Variants in TASP1 observed in about 807,000 individuals in gnomAD.
TASP1 encodes threonine aspartase 1.
In TASP1, 16 loss-of-function variants were observed where a neutral mutation model predicts 56.6. The ratio of observed to expected loss-of-function variants is 0.28; its 90% CI spans 0.19 to 0.43. The LOEUF (loss-of-function observed/expected upper bound fraction) is 0.43, where lower values mean the gene tolerates loss of function less well. TASP1 is among the 20% of genes least tolerant of loss of function. TASP1 has a pLI of 1.00. For missense variants in TASP1, 393 were observed against 511.6 expected, an observed-to-expected ratio of 0.77 and a Z score of 2.24; for synonymous variants, 179 against 184.2, an observed-to-expected ratio of 0.97 and a Z score of 0.23.
At chr20:13,566,478 T>C (rs74786669) in intron 7 of TASP1, among the ~76,000 whole-genome samples, 1,543 of 148,980 alleles carry the variant, frequency 0.01, 28 homozygotes, top group African/African-American at 0.036. Context: ...ATACCATGAA[T>C]ACTCAGGAAT....
the TASP1 span, among the ~76,000 whole-genome samples, chr20:13,213,199 G>GA: frequency 6.6e-6 from 1 of 151,476 alleles, no homozygotes. Context: ...AAAAAAAAGA[G>GA]TTAAAACTTC....
chr20:13,324,441 G>C, the TASP1 span, among the ~76,000 whole-genome samples: 1 of 152,110 alleles, frequency 6.6e-6, no homozygotes, highest in African/African-American at 2.4e-5. Flanking sequence ...GCAGAAAAGA[G>C]GATCTTGTCC....
At chr20:13,182,588 T>C in the TASP1 span, among the ~76,000 whole-genome samples, 1 of 152,196 alleles carries the variant, frequency 6.6e-6, no homozygotes, top group Admixed American at 6.5e-5. Flanking sequence ...CAAGCTGCTA[T>C]ATATTATGAT....
intron 4 of TASP1, among the ~76,000 whole-genome samples, chr20:13,622,433 T>C (rs2048748363): frequency 6.6e-6 from 1 of 152,152 alleles, no homozygotes; most frequent in Non-Finnish European, 1.5e-5. Context: ...TTGACTACAT[T>C]AGGACCAATC....
intron 13 of TASP1, among the ~76,000 whole-genome samples, chr20:13,413,640 T>G (rs2042161879): frequency 6.6e-6 from 1 of 152,192 alleles, no homozygotes; most frequent in Non-Finnish European, 1.5e-5. Context: ...AAGGGTGATA[T>G]TTTTTGAACT....
intron 1 of TASP1, among the ~76,000 whole-genome samples, chr20:13,631,112 G>C (rs73270747): frequency 4.9e-4 from 74 of 152,262 alleles, no homozygotes; most frequent in African/African-American, 1.7e-3. Context: ...TTTTATAACA[G>C]AGATAGTCTG....
the TASP1 span, among the ~76,000 whole-genome samples, chr20:13,359,991 C>T: frequency 6.6e-6 from 1 of 152,154 alleles, no homozygotes; most frequent in Non-Finnish European, 1.5e-5. Context: ...CACTCGCCTG[C>T]TACAGCACGG....
chr20:13,529,406 T>G (rs2045122500), intron 9 of TASP1, among the ~76,000 whole-genome samples: 1 of 152,160 alleles, frequency 6.6e-6, no homozygotes, highest in Admixed American at 6.6e-5. Context: ...TTAAAAAACC[T>G]AGCTAGCTAG....
At chr20:13,523,918 G>A (rs559886321) in intron 10 of TASP1, among the ~76,000 whole-genome samples, 1 of 152,222 alleles carries the variant, frequency 6.6e-6, no homozygotes, top group Non-Finnish European at 1.5e-5. Flanking sequence ...TGAGGCCAAA[G>A]TGGGAGGATC....
At chr20:13,155,552 C>T in the TASP1 span, among the ~76,000 whole-genome samples, 12 of 152,132 alleles carry the variant, frequency 7.9e-5, no homozygotes, top group East Asian at 1.9e-4. Flanking sequence ...GAAGGCTGGG[C>T]GCGGTGGCTC....
At chr20:13,374,883 A>G in the TASP1 span, among the ~76,000 whole-genome samples, 4 of 152,172 alleles carry the variant, frequency 2.6e-5, no homozygotes, top group African/African-American at 7.2e-5. Context: ...TGGAATTAAA[A>G]TAATTTTAGC....
intron 6 of TASP1, among the ~76,000 whole-genome samples, chr20:13,573,171 C>G: frequency 6.6e-6 from 1 of 152,172 alleles, no homozygotes; most frequent in East Asian, 1.9e-4. Flanking sequence ...TATAACTGTT[C>G]TCTTTTGGAC....
chr20:13,525,237 C>A (rs909135484), intron 10 of TASP1, among the ~76,000 whole-genome samples: 8 of 152,192 alleles, frequency 5.3e-5, no homozygotes, highest in Non-Finnish European at 1.2e-4. Flanking sequence ...TGTCAACTTA[C>A]TTACCCCTTA....
At chr20:13,391,375 C>G (rs553609851) in intron 13 of TASP1, among the ~76,000 whole-genome samples, 59 of 152,290 alleles carry the variant, frequency 3.9e-4, no homozygotes, top group African/African-American at 1.3e-3. Flanking sequence ...CCAAGAATTC[C>G]TCTTTTTGGT....
At chr20:13,597,255 T>C (rs1293856035) in intron 4 of TASP1, among the ~76,000 whole-genome samples, 1 of 152,186 alleles carries the variant, frequency 6.6e-6, no homozygotes, top group Non-Finnish European at 1.5e-5. Flanking sequence ...ACCAATATCC[T>C]TGTTGAACAT....
intron 4 of TASP1, among the ~76,000 whole-genome samples, chr20:13,606,586 T>C (rs1173208019): frequency 3.9e-5 from 6 of 152,052 alleles, no homozygotes; most frequent in African/African-American, 1.4e-4. Flanking sequence ...AGTGGGCAGA[T>C]CACGAGGTCA....
At chr20:13,267,908 C>A in the TASP1 span, among the ~76,000 whole-genome samples, 7 of 152,242 alleles carry the variant, frequency 4.6e-5, no homozygotes, top group South Asian at 6.2e-4. Flanking sequence ...AAATTCTGGG[C>A]CCCTTCCAAG....
At chr20:13,287,230 T>C in the TASP1 span, among the ~76,000 whole-genome samples, 1 of 152,100 alleles carries the variant, frequency 6.6e-6, no homozygotes, top group Non-Finnish European at 1.5e-5. Flanking sequence ...GGCCTCACAA[T>C]CATGGTGGAA....
chr20:13,193,365 T>C, the TASP1 span, among the ~76,000 whole-genome samples: 3 of 152,254 alleles, frequency 2.0e-5, no homozygotes, highest in African/African-American at 7.2e-5. Flanking sequence ...CACCCAGATA[T>C]GGTTTCCAGA....
Sources: allele counts gnomAD v4.1 joint callset (sites outside exome capture counted in the v4.1 genomes callset), GRCh38; gene constraint gnomAD v4.1.1; transcripts MANE v1.5; gene names NCBI Gene and HGNC (gene_info 2026-07-23, HGNC 2026-07-21).